Variants in RNFT2 observed in about 807,000 individuals in gnomAD.
The protein encoded by RNFT2 is ring finger protein, transmembrane 2.
A neutral mutation model predicts 53.0 loss-of-function variants in RNFT2; 36 were observed. The observed-to-expected ratio is 0.68, with a 90% CI of 0.52 to 0.90. The LOEUF is 0.90. Ranked by LOEUF, RNFT2 falls within the 40% of genes least tolerant of loss-of-function variation. The pLI is 0.00. For missense variants in RNFT2, 514 were observed against 585.6 expected, an observed-to-expected ratio of 0.88 and a Z score of 1.26; for synonymous variants, 260 against 253.2, an observed-to-expected ratio of 1.03 and a Z score of -0.26.
chr12:116,829,240 C>A (rs1876506652), intron 7 of RNFT2, among the ~76,000 whole-genome samples: 1 of 152,094 alleles, frequency 6.6e-6, no homozygotes, highest in Admixed American at 6.5e-5. Flanking sequence ...TTAGCCCTGG[C>A]CATACACTAA....
intron 5 of RNFT2, 60 bp from the exon 6 acceptor site, chr12:116,766,754 A>G: frequency 7.6e-7 from 1 of 1,307,630 alleles, no homozygotes; most frequent in Admixed American, 2.0e-5. Context: ...ATCAGGGTAC[A>G]TTCTGGAAGG....
intron 7 of RNFT2, among the ~76,000 whole-genome samples, chr12:116,815,086 G>A (rs541387596): frequency 6.6e-6 from 1 of 152,194 alleles, no homozygotes; most frequent in Non-Finnish European, 1.5e-5. Context: ...TTTACACTGG[G>A]TATCATAAAT....
At chr12:116,825,811 G>T (rs575885923) in intron 7 of RNFT2, among the ~76,000 whole-genome samples, 2 of 152,198 alleles carry the variant, frequency 1.3e-5, no homozygotes, top group African/African-American at 2.4e-5. Context: ...GGTCATAGAG[G>T]TTGAATTATT....
At chr12:116,819,649 C>A (rs1056886961) in intron 7 of RNFT2, among the ~76,000 whole-genome samples, 7 of 152,186 alleles carry the variant, frequency 4.6e-5, no homozygotes, top group Admixed American at 1.3e-4. Flanking sequence ...TGCCAGGCAA[C>A]GCGCGGCCAC....
chr12:116,742,670 C>T (rs150978264), intron 3 of RNFT2, among the ~76,000 whole-genome samples: 127 of 152,202 alleles, frequency 8.3e-4, no homozygotes, highest in African/African-American at 2.8e-3. Flanking sequence ...AAGGGCCATG[C>T]AGTGACTCAC....
At chr12:116,790,448 CTT>C (rs1874180154) in intron 7 of RNFT2, among the ~76,000 whole-genome samples, 1 of 152,154 alleles carries the variant, frequency 6.6e-6, no homozygotes, top group Non-Finnish European at 1.5e-5. Flanking sequence ...GTTGATATCT[CTT>C]TTCACAGAGA....
Position 116,836,215 on chromosome 12 carries a change from C to T in RNFT2, c.1133C>T (p.Thr378Ile), listed in dbSNP as rs1227049431. 3.1e-6 allele frequency: 5 copies of T among 1,595,422 alleles called. No individual in the cohort carries two copies. The African/African-American group carries it at 4.0e-5, about 13-fold the overall frequency. ...YGVRATGQQC[T>I]EAGDICAICQ... is the part of the protein sequence containing the mutation. ...GTCCGAGCCACCGGGCAGCAGTGCACAGAAGCTGGTGACATCTGCGCCATC... is the reference window on the plus strand; with the variant it reads ...GTCCGAGCCACCGGGCAGCAGTGCATAGAAGCTGGTGACATCTGCGCCATC... The change falls in exon 10 of 11, where the codon ACA (threonine) becomes ATA (isoleucine). Residue 378 changes from threonine (T) to isoleucine (I), a missense_variant. Coordinates refer to ENST00000257575, the MANE Select transcript of RNFT2 (RefSeq NM_001382266.1).
intron 7 of RNFT2, among the ~76,000 whole-genome samples, chr12:116,812,051 C>T (rs746768877): frequency 1.6e-4 from 25 of 152,160 alleles, no homozygotes; most frequent in Middle Eastern, 3.4e-3. Flanking sequence ...AGGAGGAGCC[C>T]GGTGAGGAAC....
chr12:116,802,000 G>T (rs1874822362), intron 7 of RNFT2, among the ~76,000 whole-genome samples: 1 of 151,926 alleles, frequency 6.6e-6, no homozygotes, highest in Non-Finnish European at 1.5e-5. Context: ...TTTTGTATTT[G>T]TAGCAGAGAT....
chr12:116,846,285 T>A (rs1266694380), intron 10 of RNFT2, among the ~76,000 whole-genome samples: 4 of 152,076 alleles, frequency 2.6e-5, no homozygotes, highest in Admixed American at 2.6e-4. Context: ...ATTATTGTTA[T>A]TTTTTTAGAC....
intron 7 of RNFT2, among the ~76,000 whole-genome samples, chr12:116,794,708 A>G (rs115072934): frequency 0.038 from 3,650 of 95,716 alleles, 153 homozygotes; most frequent in African/African-American, 0.11. Flanking sequence ...AAGGGAGGAA[A>G]GAAAGAAAGA....
chr12:116,784,431 C>T (rs1286131153), intron 7 of RNFT2, among the ~76,000 whole-genome samples: 1 of 152,130 alleles, frequency 6.6e-6, no homozygotes, highest in African/African-American at 2.4e-5. Flanking sequence ...GGTCATGTGC[C>T]TAGTCCTTAT....
chr12:116,782,963 A>G (rs1415003477), intron 7 of RNFT2, among the ~76,000 whole-genome samples: 2 of 151,974 alleles, frequency 1.3e-5, no homozygotes, highest in African/African-American at 4.8e-5. Flanking sequence ...GACCCTACTC[A>G]CTCTACCATG....
In RNFT2 at chr12:116,797,816, A is replaced by C. The variant is rs137999253; in HGVS notation, c.882+18468A>C. Among the ~76,000 whole-genome samples the C allele has an allele frequency of 2.2e-3, 330 of 152,302 alleles. 2 individuals carry two copies. The highest frequency in any genetic ancestry group is 7.7e-3 in the African/African-American group (320 of 41,562). On this transcript the variant is annotated intron_variant, in intron 7 of 10. Transcript: ENST00000257575. ...GCAGCCATATTTATACCTACTTTTAATTACATGTAGATTAAGGGGCAGTTT... is the reference window on the plus strand; with the variant it reads ...GCAGCCATATTTATACCTACTTTTACTTACATGTAGATTAAGGGGCAGTTT...
intron 1 of RNFT2, among the ~76,000 whole-genome samples, chr12:116,740,055 A>C (rs558329043): frequency 6.6e-6 from 1 of 152,062 alleles, no homozygotes; most frequent in East Asian, 1.9e-4. Context: ...AAAATACAAA[A>C]ATTGGGTGGG....
At chr12:116,842,720 C>T (rs983576633) in intron 10 of RNFT2, among the ~76,000 whole-genome samples, 21 of 152,182 alleles carry the variant, frequency 1.4e-4, no homozygotes, top group African/African-American at 5.1e-4. Flanking sequence ...ATTACAGGCA[C>T]CCACCACCAT....
intron 8 of RNFT2, 104 bp from the exon 9 acceptor site, chr12:116,835,856 G>A: frequency 1.7e-6 from 2 of 1,189,480 alleles, no homozygotes; most frequent in East Asian, 4.7e-5. Flanking sequence ...AAAATGTTCT[G>A]AGTCAAAAAT....
intron 3 of RNFT2, among the ~76,000 whole-genome samples, chr12:116,748,923 C>G (rs138416651): frequency 1.3e-5 from 2 of 152,128 alleles, no homozygotes; most frequent in African/African-American, 4.8e-5. Flanking sequence ...ATCTGTAAAG[C>G]GGGAATATCA....
At chr12:116,752,231 C>G (rs975171437) in intron 4 of RNFT2, among the ~76,000 whole-genome samples, 5 of 151,718 alleles carry the variant, frequency 3.3e-5, no homozygotes, top group East Asian at 4.0e-4. Flanking sequence ...GGAGATGAGA[C>G]CATTCTTTAT....
Sources: gnomAD v4.1 joint callset for allele counts (sites outside exome capture counted in the v4.1 genomes callset) on GRCh38, gnomAD v4.1.1 for gene constraint, MANE v1.5 for transcripts, NCBI Gene and HGNC (gene_info 2026-07-23, HGNC 2026-07-21) for gene names.